GALNTL6: variants seen among roughly 807,000 people sequenced by gnomAD.
The protein encoded by GALNTL6 is polypeptide N-acetylgalactosaminyltransferase like 6.
A neutral mutation model predicts 73.7 loss-of-function variants in GALNTL6; 46 were observed. The ratio of observed to expected loss-of-function variants is 0.62; its 90% CI spans 0.49 to 0.80. The LOEUF (loss-of-function observed/expected upper bound fraction) is 0.80. Among genes scored for constraint, GALNTL6 ranks in the 30% least tolerant of loss-of-function variants. The probability of loss-of-function intolerance (pLI) is 0.00; values close to 1 mark genes in which losing one functional copy is unlikely to be tolerated. For missense variants in GALNTL6, 604 were observed against 755.0 expected (o/e 0.80, Z 2.34); for synonymous variants, 259 against 263.7 (o/e 0.98, Z 0.17).
chr4:172,890,618 G>T (rs1247221572), intron 8 of GALNTL6, among the ~76,000 whole-genome samples: 1 of 152,134 alleles, frequency 6.6e-6, no homozygotes, highest in Admixed American at 6.5e-5. Context: ...TAGGCATGTG[G>T]TTGAGGTTAG....
chr4:172,682,815 T>C (rs1055496777), intron 5 of GALNTL6, among the ~76,000 whole-genome samples: 3 of 152,110 alleles, frequency 2.0e-5, no homozygotes, highest in African/African-American at 7.2e-5. Context: ...AACAGATTTT[T>C]ATTTGGCCTG....
intron 2 of GALNTL6, among the ~76,000 whole-genome samples, chr4:172,070,798 A>G (rs1453364440): frequency 9.0e-6 from 1 of 110,770 alleles, no homozygotes; most frequent in African/African-American, 3.4e-5. Context: ...TTCTAAAAGT[A>G]TATTACTGAA....
At chr4:172,339,436 G>A (rs1741479439) in intron 4 of GALNTL6, among the ~76,000 whole-genome samples, 1 of 152,032 alleles carries the variant, frequency 6.6e-6, no homozygotes, top group African/African-American at 2.4e-5. Context: ...TACTCCTGGG[G>A]CACTTTCTAC....
chr4:172,685,686 C>A (rs1200643346), intron 5 of GALNTL6, among the ~76,000 whole-genome samples: 2 of 152,190 alleles, frequency 1.3e-5, no homozygotes, highest in African/African-American at 4.8e-5. Context: ...TTTTAAAATA[C>A]CAGGTCAGAG....
At chr4:172,628,719 T>C (rs17235632) in intron 5 of GALNTL6, among the ~76,000 whole-genome samples, 87,614 of 151,948 alleles carry the variant, frequency 0.58, 27,266 homozygotes, top group East Asian at 0.93. Flanking sequence ...ATTGATATTG[T>C]TCTTTGTTGC....
intron 2 of GALNTL6, among the ~76,000 whole-genome samples, chr4:172,029,130 A>G (rs1023627081): frequency 4.0e-5 from 6 of 151,868 alleles, no homozygotes; most frequent in Non-Finnish European, 8.8e-5. Context: ...GTCTTTTTTC[A>G]ATTATTGAAA....
intron 2 of GALNTL6, among the ~76,000 whole-genome samples, chr4:171,939,367 G>A (rs1298022425): frequency 6.6e-6 from 1 of 151,514 alleles, no homozygotes; most frequent in Non-Finnish European, 1.5e-5. Context: ...TACTATTCTT[G>A]GGTATTAGAT....
intron 2 of GALNTL6, among the ~76,000 whole-genome samples, chr4:172,045,227 G>C (rs1505483): frequency 0.73 from 110,918 of 151,854 alleles, 40,978 homozygotes; most frequent in East Asian, 0.84. Flanking sequence ...AGCACTGTGC[G>C]CCTAAGAGAC....
chr4:172,596,817 G>GA (rs569320298), intron 5 of GALNTL6, among the ~76,000 whole-genome samples: 167 of 152,160 alleles, frequency 1.1e-3, no homozygotes, highest in African/African-American at 3.6e-3. Context: ...TCAGTTTTGG[G>GA]AAAAGCAAAT....
rs190015002 is a variant in GALNTL6, at chr4:172,296,304, T to G, written c.248-15310T>G. ...GAATGTTAAGCCAACATTGTATTTT[T>G]GGAATAAATCTCTATTGGTCATGAT... is the stretch of plus-strand genomic sequence containing the variant. On this transcript the variant is annotated intron_variant, in intron 3 of 12. Transcript: ENST00000506823. 3.5e-3 allele frequency among the ~76,000 whole-genome samples: 539 copies of G among 152,334 alleles called. 2 individuals carry two copies. The highest frequency in any genetic ancestry group is 0.012 in the African/African-American group (500 of 41,572).
chr4:172,559,058 ATTTTTTTT>A lies in GALNTL6; in HGVS notation c.553+210388_553+210395del, dbSNP rs71592081. On this transcript the variant is annotated intron_variant, in intron 5 of 12. Transcript: ENST00000506823. The stretch of plus-strand genomic sequence containing the variant: ...GTAAGGATGATGATAATGATAATGG[ATTTTTTTT>A]TTTTTTTTTTTTTTTTTTGAGACAG... Among the ~76,000 whole-genome samples the A allele has an allele frequency of 3.0e-4, 23 of 77,386 alleles. No individual in the cohort carries two copies. The South Asian group carries it at 6.5e-3, about 22-fold the overall frequency. 50.8% of individuals were successfully genotyped at this position (77,386 alleles called of 152,430 possible).
In GALNTL6 at chr4:173,039,992, G is replaced by A; in HGVS notation, c.1698G>A (p.Lys566=). Reference sequence around the variant, plus strand: ...GCATGGATTGCAACCCCGCAGAGAAGAAGATTTTCATGGCCAGATGTGACC... The same window carrying A: ...GCATGGATTGCAACCCCGCAGAGAAAAAGATTTTCATGGCCAGATGTGACC... ...NSCMDCNPAE[K]KIFMARCDPL... The change falls in exon 13 of 13, where the codon AAG becomes AAA. Residue 566 remains lysine (K), a synonymous_variant. Coordinates refer to ENST00000506823, the MANE Select transcript of GALNTL6 (RefSeq NM_001034845.3). The A allele has an allele frequency of 1.2e-6, 2 of 1,613,936 alleles. No individual in the cohort carries two copies. The highest frequency in any genetic ancestry group is 1.7e-6 in the Non-Finnish European group (2 of 1,179,818).
At chr4:172,296,104 A>G (rs1036171001) in intron 3 of GALNTL6, among the ~76,000 whole-genome samples, 12 of 152,166 alleles carry the variant, frequency 7.9e-5, no homozygotes, top group Admixed American at 7.2e-4. Flanking sequence ...CATTTGCTGT[A>G]TTTTCATTGT....
intron 5 of GALNTL6, among the ~76,000 whole-genome samples, chr4:172,710,491 A>T (rs1259802166): frequency 6.6e-6 from 1 of 152,190 alleles, no homozygotes; most frequent in Non-Finnish European, 1.5e-5. Flanking sequence ...CAGCAAAATG[A>T]TATCTTAACA....
chr4:172,581,617 A>C (rs1051734941), intron 5 of GALNTL6, among the ~76,000 whole-genome samples: 1 of 152,056 alleles, frequency 6.6e-6, no homozygotes, highest in Non-Finnish European at 1.5e-5. Flanking sequence ...ACCCAACCAC[A>C]TGTCACCCAA....
At chr4:172,893,355 GTC>G (rs1746149826) in intron 8 of GALNTL6, among the ~76,000 whole-genome samples, 1 of 150,996 alleles carries the variant, frequency 6.6e-6, no homozygotes, top group African/African-American at 2.4e-5. Context: ...CGGGGGGGGG[GTC>G]TTCCCCTTCT....
chr4:172,615,703 G>A (rs1428035305), intron 5 of GALNTL6, among the ~76,000 whole-genome samples: 1 of 152,124 alleles, frequency 6.6e-6, no homozygotes, highest in Non-Finnish European at 1.5e-5. Context: ...TGAATCCATT[G>A]AGTAGAACTG....
In GALNTL6 at chr4:172,916,854, G is replaced by A. The variant is rs189628551; in HGVS notation, c.1042-14307G>A. On this transcript the variant is annotated intron_variant, in intron 8 of 12. Transcript: ENST00000506823. ...AATTTATAGATTCAATGCCATCCCC[G>A]TCAAGCTACCAATGACTTTCTTCAC... 2.0e-3 allele frequency among the ~76,000 whole-genome samples: 307 copies of A among 152,044 alleles called. 4 individuals carry two copies. In the East Asian group the frequency reaches 0.043, roughly 21 times the overall value.
chr4:171,823,690 T>C (rs1322622408), intron 2 of GALNTL6, among the ~76,000 whole-genome samples: 2 of 151,574 alleles, frequency 1.3e-5, no homozygotes, highest in African/African-American at 4.8e-5. Flanking sequence ...GACTGACGAC[T>C]ATAATACTGA....
Sources: allele counts gnomAD v4.1 joint callset (sites outside exome capture counted in the v4.1 genomes callset), GRCh38; gene constraint gnomAD v4.1.1; transcripts MANE v1.5; gene names NCBI Gene and HGNC (gene_info 2026-07-23, HGNC 2026-07-21).